The following DLG2 variants were observed in gnomAD, a reference collection of about 807,000 sequenced individuals.
DLG2 encodes discs large MAGUK scaffold protein 2.
DLG2 carries 45 observed loss-of-function variants against 132.5 expected under a neutral mutation model. The observed-to-expected ratio is 0.34, with a 90% CI of 0.27 to 0.44. DLG2 has a LOEUF of 0.44. DLG2 is among the 20% of genes least tolerant of loss of function. DLG2 has a pLI of 1.00. For synonymous variants in DLG2, 424 were observed against 419.6 expected, an observed-to-expected ratio of 1.01 and a Z score of -0.13; for missense variants, 1,045 against 1,196.9, an observed-to-expected ratio of 0.87 and a Z score of 1.87.
chr11:84,887,768 A>T (rs2088582886), intron 6 of DLG2, among the ~76,000 whole-genome samples: 1 of 152,134 alleles, frequency 6.6e-6, no homozygotes, highest in Non-Finnish European at 1.5e-5. Flanking sequence ...GGAGAGGAGG[A>T]AATCAAATCT....
At chr11:84,691,338 G>A (rs1244139159) in intron 6 of DLG2, among the ~76,000 whole-genome samples, 4 of 151,614 alleles carry the variant, frequency 2.6e-5, no homozygotes, top group Admixed American at 6.6e-5. Flanking sequence ...ATTTGTACGT[G>A]TTTAGAACAG....
intron 18 of DLG2, among the ~76,000 whole-genome samples, chr11:83,667,971 G>C (rs575275703): frequency 4.4e-5 from 1 of 22,704 alleles, no homozygotes; most frequent in African/African-American, 1.8e-4. Context: ...GTGAGACTCC[G>C]TCTCAAAAAA....
At chr11:84,540,345 GA>G (rs752804994) in intron 6 of DLG2, among the ~76,000 whole-genome samples, 9,206 of 116,304 alleles carry the variant, frequency 0.079, 320 homozygotes, top group African/African-American at 0.1. Flanking sequence ...AAATTTACAA[GA>G]AAAAAAAAAA....
At chr11:83,870,871 G>A (rs2063308927) in intron 16 of DLG2, among the ~76,000 whole-genome samples, 1 of 152,128 alleles carries the variant, frequency 6.6e-6, no homozygotes. Context: ...ACTGCACTGT[G>A]GTAGGGCTTC....
chr11:84,926,955 T>G (rs774519194), intron 6 of DLG2, among the ~76,000 whole-genome samples: 1 of 152,004 alleles, frequency 6.6e-6, no homozygotes, highest in Non-Finnish European at 1.5e-5. Context: ...ATGTTTTTCT[T>G]AAAGCATAGC....
At chr11:83,544,500 C>T (rs2096182197) in intron 19 of DLG2, among the ~76,000 whole-genome samples, 1 of 152,062 alleles carries the variant, frequency 6.6e-6, no homozygotes, top group African/African-American at 2.4e-5. Flanking sequence ...TGACTAACTC[C>T]AGAATATATA....
At chr11:85,290,675 T>C (rs186722130) in intron 3 of DLG2, among the ~76,000 whole-genome samples, 1 of 152,204 alleles carries the variant, frequency 6.6e-6, no homozygotes, top group Admixed American at 6.5e-5. Context: ...ATTGAATTCA[T>C]TAGAACTTAG....
At chr11:85,036,973 C>G (rs926641547) in intron 6 of DLG2, among the ~76,000 whole-genome samples, 1 of 152,128 alleles carries the variant, frequency 6.6e-6, no homozygotes, top group South Asian at 2.1e-4. Flanking sequence ...GAAGTACCCC[C>G]AGGACTTAGA....
intron 19 of DLG2, among the ~76,000 whole-genome samples, chr11:83,588,175 G>C (rs2097125231): frequency 6.6e-6 from 1 of 151,956 alleles, no homozygotes; most frequent in Admixed American, 6.6e-5. Context: ...TCCACCTCTG[G>C]GGGCAGGGCA....
At chr11:85,292,337 G>T (rs991218656) in intron 3 of DLG2, among the ~76,000 whole-genome samples, 3 of 151,910 alleles carry the variant, frequency 2.0e-5, no homozygotes, top group Admixed American at 6.6e-5. Context: ...GGAACTAGAG[G>T]AATAAAGTTG....
chr11:85,404,672 C>CA (rs1328603017), intron 3 of DLG2, among the ~76,000 whole-genome samples: 1 of 151,860 alleles, frequency 6.6e-6, no homozygotes, highest in East Asian at 1.9e-4. Context: ...AAGAGATTAT[C>CA]AAAAAACAGT....
At chr11:84,129,552 T>C (rs1013386482) in intron 9 of DLG2, among the ~76,000 whole-genome samples, 6 of 152,122 alleles carry the variant, frequency 3.9e-5, no homozygotes, top group African/African-American at 1.4e-4. Flanking sequence ...TGGCCTGTCA[T>C]CTTGCCTCAA....
chr11:84,714,965 A>G (rs1202454847), intron 6 of DLG2, among the ~76,000 whole-genome samples: 2 of 151,268 alleles, frequency 1.3e-5, no homozygotes, highest in African/African-American at 4.9e-5. Context: ...TACTCTCCCT[A>G]TTCTCTCTTT....
chr11:83,492,033 A>T lies in DLG2; in HGVS notation c.2194-7805T>A, dbSNP rs145068345. Among the ~76,000 whole-genome samples the T allele has an allele frequency of 4.6e-5, 7 of 152,234 alleles. No individual in the cohort carries two copies. In the East Asian group the frequency reaches 1.4e-3, roughly 29 times the overall value. On this transcript the variant is annotated intron_variant, in intron 21 of 27. Transcript: ENST00000376104. ...GCTCATTCCGTAGGTACTACCTATG[A>T]CTAGTGCTACAGCAGCAGAATTGAG...
At chr11:84,781,834 T>C (rs1210932229) in intron 6 of DLG2, among the ~76,000 whole-genome samples, 1 of 152,098 alleles carries the variant, frequency 6.6e-6, no homozygotes, top group Non-Finnish European at 1.5e-5. Context: ...CTTTTAGTAG[T>C]CGAGAGATTC....
intron 16 of DLG2, among the ~76,000 whole-genome samples, chr11:83,858,964 AATCTC>A (rs2060995186): frequency 6.6e-6 from 1 of 152,144 alleles, no homozygotes. Flanking sequence ...TCCCCACTCA[AATCTC>A]ATCAAAATGG....
At chr11:85,573,046 C>T (rs897580188) in intron 3 of DLG2, among the ~76,000 whole-genome samples, 2 of 152,068 alleles carry the variant, frequency 1.3e-5, no homozygotes, top group African/African-American at 2.4e-5. Flanking sequence ...CTCCCCTTCC[C>T]GTACACTCTC....
chr11:84,872,477 G>A (rs2085624895), intron 6 of DLG2, among the ~76,000 whole-genome samples: 2 of 152,182 alleles, frequency 1.3e-5, no homozygotes, highest in African/African-American at 4.8e-5. Context: ...TAGTCATGTA[G>A]CTAGATCAAT....
intron 4 of DLG2, among the ~76,000 whole-genome samples, chr11:85,241,292 G>GT (rs2075864741): frequency 6.6e-6 from 1 of 151,716 alleles, no homozygotes; most frequent in African/African-American, 2.4e-5. Context: ...TGTTTATAGG[G>GT]TATGGGAGGG....
Sources: gnomAD v4.1 joint callset for allele counts (sites outside exome capture counted in the v4.1 genomes callset) on GRCh38, gnomAD v4.1.1 for gene constraint, MANE v1.5 for transcripts, NCBI Gene and HGNC (gene_info 2026-07-23, HGNC 2026-07-21) for gene names.